The following TFB1M variants were observed in gnomAD, a reference collection of about 807,000 sequenced individuals.
TFB1M encodes transcription factor B1, mitochondrial, also known as dimethyladenosine transferase 1, mitochondrial.
TFB1M carries 27 observed loss-of-function variants against 31.1 expected under a neutral mutation model. The observed-to-expected ratio is 0.87, with a 90% confidence interval of 0.64 to 1.20. The LOEUF (loss-of-function observed/expected upper bound fraction) is 1.20, where lower values mean the gene tolerates loss of function less well. Ranked by LOEUF, TFB1M falls within the 50% of genes most tolerant of loss-of-function variation. The pLI, the probability that TFB1M is intolerant of heterozygous loss-of-function variation, is 0.00. For missense variants in TFB1M, 394 were observed against 418.7 expected (o/e 0.94, Z 0.51); for synonymous variants, 166 against 151.8 (o/e 1.09, Z -0.69).
the TFB1M span, among the ~76,000 whole-genome samples, chr6:155,235,477 A>C: frequency 6.6e-6 from 1 of 152,226 alleles, no homozygotes; most frequent in Non-Finnish European, 1.5e-5. Flanking sequence ...TATTCCTATA[A>C]AGTGCTGATC....
the TFB1M span, among the ~76,000 whole-genome samples, chr6:155,242,219 G>C: frequency 6.6e-6 from 1 of 152,354 alleles, no homozygotes; most frequent in South Asian, 2.1e-4. Flanking sequence ...GCACCAGCCT[G>C]TGAGGCATGA....
Position 155,276,061 on chromosome 6 carries a change from G to A in TFB1M, c.666+9097C>T, listed in dbSNP as rs150441263. ...GCTTAGGAGGGGACAGAGAAACCAA[G>A]AGCCATGCTTCCTTTGCTGGAGGAG... On this transcript the variant is annotated intron_variant, in intron 5 of 6. Transcript: ENST00000367166. The A allele has an allele frequency of 2.7e-4, 429 of 1,614,144 alleles. 3 individuals carry two copies. In the African/African-American group the frequency reaches 4.9e-3, roughly 18 times the overall value.
chr6:155,293,219 G>A (rs555706440), intron 4 of TFB1M, among the ~76,000 whole-genome samples: 1 of 152,258 alleles, frequency 6.6e-6, no homozygotes, highest in East Asian at 1.9e-4. Context: ...AGGACAGAAA[G>A]AGAAGATCCA....
chr6:155,248,646 C>T, the TFB1M span, among the ~76,000 whole-genome samples: 207 of 152,306 alleles, frequency 1.4e-3, 1 homozygote, highest in Non-Finnish European at 2.1e-3. Context: ...AAACCAAACT[C>T]CCAATGATGG....
At chr6:155,269,705 A>G (rs1047846531) in intron 5 of TFB1M, among the ~76,000 whole-genome samples, 2 of 152,252 alleles carry the variant, frequency 1.3e-5, no homozygotes, top group African/African-American at 4.8e-5. Flanking sequence ...AGTACCTGGC[A>G]TATGGAAAGC....
downstream of TFB1M, chr6:155,254,404 T>TC (rs201028845): frequency 2.6e-4 from 424 of 1,603,344 alleles, no homozygotes; most frequent in African/African-American, 2.2e-3. Context: ...CTGTTTTCTC[T>TC]CCCCCCCCAC....
chr6:155,309,954 G>A (rs1312926652), intron 2 of TFB1M, among the ~76,000 whole-genome samples: 1 of 151,856 alleles, frequency 6.6e-6, no homozygotes, highest in Non-Finnish European at 1.5e-5. Flanking sequence ...GTATAGACTG[G>A]TAAAACTAGA....
chr6:155,270,417 A>G (rs9397237), intron 5 of TFB1M, among the ~76,000 whole-genome samples: 19,509 of 152,192 alleles, frequency 0.13, 1,541 homozygotes, highest in Non-Finnish European at 0.19. Flanking sequence ...TAATGTTGAT[A>G]AACTATATTT....
intron 5 of TFB1M, among the ~76,000 whole-genome samples, chr6:155,283,929 T>C (rs1437435594): frequency 6.6e-6 from 1 of 152,246 alleles, no homozygotes; most frequent in Non-Finnish European, 1.5e-5. Flanking sequence ...AATTTGAAGA[T>C]AACCTATAAG....
chr6:155,293,852 A>C (rs370565157), intron 4 of TFB1M, among the ~76,000 whole-genome samples: 13 of 152,162 alleles, frequency 8.5e-5, no homozygotes, highest in African/African-American at 2.7e-4. Context: ...ATTCAATCTT[A>C]AACTCTCCTG....
intron 4 of TFB1M, among the ~76,000 whole-genome samples, chr6:155,287,017 C>A (rs1179555264): frequency 1.3e-5 from 2 of 151,450 alleles, no homozygotes; most frequent in African/African-American, 4.9e-5. Context: ...AAGAGAAATC[C>A]AAATAAACCA....
intron 2 of TFB1M, among the ~76,000 whole-genome samples, chr6:155,306,789 T>C (rs1226132013): frequency 6.6e-6 from 1 of 152,192 alleles, no homozygotes; most frequent in Non-Finnish European, 1.5e-5. Context: ...GTTTATTTTC[T>C]TGATTGTGAT....
chr6:155,266,625 T>A (rs1182569839), intron 5 of TFB1M, among the ~76,000 whole-genome samples: 1 of 151,754 alleles, frequency 6.6e-6, no homozygotes, highest in Non-Finnish European at 1.5e-5. Flanking sequence ...AGCGGGCGAA[T>A]CATGAGGTCA....
intron 5 of TFB1M, among the ~76,000 whole-genome samples, chr6:155,280,645 G>A (rs1459713157): frequency 6.6e-6 from 1 of 152,302 alleles, no homozygotes; most frequent in Non-Finnish European, 1.5e-5. Flanking sequence ...TCTTAGTTAA[G>A]TAGGAAAACA....
chr6:155,246,711 C>A, the TFB1M span, among the ~76,000 whole-genome samples: 1 of 152,136 alleles, frequency 6.6e-6, no homozygotes, highest in African/African-American at 2.4e-5. Flanking sequence ...TATTGACAGT[C>A]AGTGCAGTAC....
chr6:155,310,458 T>C (rs1562430358), intron 2 of TFB1M, among the ~76,000 whole-genome samples: 1 of 152,200 alleles, frequency 6.6e-6, no homozygotes, highest in Non-Finnish European at 1.5e-5. Context: ...CATCTATTTG[T>C]TTTAGCTCTT....
At chr6:155,244,173 C>A in the TFB1M span, 1 of 1,207,408 alleles carries the variant, frequency 8.3e-7, no homozygotes, top group Admixed American at 1.8e-5. Context: ...TCTGTTGATC[C>A]CAAAAGAACA....
downstream of TFB1M, chr6:155,256,016 A>AT (rs1583297257): frequency 6.8e-6 from 1 of 147,226 alleles, no homozygotes; most frequent in East Asian, 6.0e-4. Context: ...TCTTTAAAAA[A>AT]AAAGGGGGGG....
downstream of TFB1M, chr6:155,253,326 C>A: frequency 2.4e-6 from 1 of 413,454 alleles, no homozygotes. Context: ...TGCCTTGATA[C>A]CCTAAAATGT....
Sources: gnomAD v4.1 joint callset for allele counts (sites outside exome capture counted in the v4.1 genomes callset) on GRCh38, gnomAD v4.1.1 for gene constraint, MANE v1.5 for transcripts, NCBI Gene and HGNC (gene_info 2026-07-23, HGNC 2026-07-21) for gene names.